The following SCHIP1 variants were observed in gnomAD, a reference collection of about 807,000 sequenced individuals.
SCHIP1 encodes schwannomin-interacting protein 1.
In SCHIP1, 8 loss-of-function variants were observed where a neutral mutation model predicts 29.7. That is an observed-to-expected ratio of 0.27 (90% CI 0.16 to 0.49). The LOEUF (loss-of-function observed/expected upper bound fraction) is 0.49, where lower values mean the gene tolerates loss of function less well. Among genes scored for constraint, SCHIP1 ranks in the 20% least tolerant of loss-of-function variants. SCHIP1 has a pLI of 0.99. For missense variants in SCHIP1, 193 were observed against 294.6 expected, an observed-to-expected ratio of 0.66 and a Z score of 2.52; for synonymous variants, 76 against 94.9, an observed-to-expected ratio of 0.80 and a Z score of 1.16.
At chr3:159,765,090 G>T in the SCHIP1 span, 22 of 1,571,688 alleles carry the variant, frequency 1.4e-5, no homozygotes, top group Non-Finnish European at 1.8e-5. Context: ...TGCAGTTCCG[G>T]GAGCAGGAGG....
chr3:159,348,884 A>G, the SCHIP1 span, among the ~76,000 whole-genome samples: 3 of 152,162 alleles, frequency 2.0e-5, no homozygotes, highest in African/African-American at 7.2e-5. Flanking sequence ...TCTTCAATAC[A>G]TATTTTACTC....
the SCHIP1 span, among the ~76,000 whole-genome samples, chr3:159,832,575 C>A: frequency 4.6e-5 from 7 of 152,314 alleles, no homozygotes; most frequent in South Asian, 1.4e-3. Context: ...TAACACACGA[C>A]TACTGAAATT....
chr3:159,884,399 G>A (rs1362084028), intron 2 of SCHIP1, among the ~76,000 whole-genome samples: 2 of 148,310 alleles, frequency 1.3e-5, no homozygotes, highest in African/African-American at 5.0e-5. Context: ...GTTTATGTAT[G>A]TATGTATATC....
the SCHIP1 span, among the ~76,000 whole-genome samples, chr3:159,373,474 A>G: frequency 7.2e-5 from 11 of 152,070 alleles, no homozygotes; most frequent in African/African-American, 2.4e-4. Context: ...TTTGACATGT[A>G]TAATACATTA....
At chr3:159,726,956 G>A in the SCHIP1 span, among the ~76,000 whole-genome samples, 1 of 152,152 alleles carries the variant, frequency 6.6e-6, no homozygotes. Flanking sequence ...ACCTGTATAA[G>A]TGGCAATTGG....
chr3:159,416,518 C>T, the SCHIP1 span, among the ~76,000 whole-genome samples: 7 of 152,184 alleles, frequency 4.6e-5, no homozygotes, highest in Non-Finnish European at 8.8e-5. Flanking sequence ...ACTAAATAAG[C>T]AGACTTTCAT....
chr3:159,872,642 T>C (rs776316990), intron 2 of SCHIP1, among the ~76,000 whole-genome samples: 10 of 152,216 alleles, frequency 6.6e-5, no homozygotes, highest in Non-Finnish European at 1.2e-4. Context: ...TGGGATGAGA[T>C]CATCTTCTGA....
the SCHIP1 span, among the ~76,000 whole-genome samples, chr3:159,607,576 G>A: frequency 1.3e-5 from 2 of 152,150 alleles, no homozygotes; most frequent in African/African-American, 2.4e-5. Flanking sequence ...CAGGGCCACA[G>A]AGAATGGCTG....
chr3:159,494,188 A>G, the SCHIP1 span, among the ~76,000 whole-genome samples: 1 of 152,074 alleles, frequency 6.6e-6, no homozygotes, highest in Non-Finnish European at 1.5e-5. Context: ...TCACAATTAA[A>G]AGAACTAGAG....
At chr3:159,450,676 A>G in the SCHIP1 span, among the ~76,000 whole-genome samples, 1 of 152,154 alleles carries the variant, frequency 6.6e-6, no homozygotes. Flanking sequence ...CTTCAAGCCA[A>G]GTGCCTTTCT....
At chr3:159,667,759 C>T in the SCHIP1 span, among the ~76,000 whole-genome samples, 1 of 152,218 alleles carries the variant, frequency 6.6e-6, no homozygotes, top group Non-Finnish European at 1.5e-5. Context: ...AATTATTTGT[C>T]CACCTTTTCA....
At chr3:159,855,404 A>AT (rs1490926237) in intron 1 of SCHIP1, among the ~76,000 whole-genome samples, 1 of 152,066 alleles carries the variant, frequency 6.6e-6, no homozygotes, top group Non-Finnish European at 1.5e-5. Flanking sequence ...TCCTTTTCTA[A>AT]TTTTTTCGCT....
chr3:159,694,537 C>CAAGAAAGAAAGAAAGA, the SCHIP1 span, among the ~76,000 whole-genome samples: 4 of 119,460 alleles, frequency 3.3e-5, no homozygotes, highest in South Asian at 3.0e-4. Context: ...AAAGAAAAGA[C>CAAGAAAGAAAGAAAGA]AAGAAAGAAA....
At chr3:159,663,459 G>A in the SCHIP1 span, among the ~76,000 whole-genome samples, 7 of 152,244 alleles carry the variant, frequency 4.6e-5, no homozygotes, top group Admixed American at 1.3e-4. Flanking sequence ...GCACCTGGAT[G>A]GGGTCTCTAG....
the SCHIP1 span, among the ~76,000 whole-genome samples, chr3:159,567,686 C>A: frequency 6.6e-6 from 1 of 152,156 alleles, no homozygotes; most frequent in East Asian, 1.9e-4. Flanking sequence ...TATAATTAGT[C>A]TTGATAGCTA....
the SCHIP1 span, among the ~76,000 whole-genome samples, chr3:159,390,140 ATTAAT>A: frequency 2.6e-5 from 4 of 152,090 alleles, no homozygotes; most frequent in East Asian, 5.8e-4. Flanking sequence ...TGACTCCCTG[ATTAAT>A]TTATGAATTT....
At chr3:159,520,096 T>TAAAA in the SCHIP1 span, among the ~76,000 whole-genome samples, 3 of 82,894 alleles carry the variant, frequency 3.6e-5, no homozygotes, top group African/African-American at 1.4e-4. Context: ...CCTCATCAAA[T>TAAAA]AAAAAAAAAA....
chr3:159,848,483 A>T (rs561973086), intron 1 of SCHIP1, among the ~76,000 whole-genome samples: 4 of 152,252 alleles, frequency 2.6e-5, no homozygotes, highest in South Asian at 2.1e-4. Context: ...TCCTGTATTC[A>T]TTTGGACCAC....
chr3:159,416,338 G>A, the SCHIP1 span, among the ~76,000 whole-genome samples: 4 of 152,062 alleles, frequency 2.6e-5, no homozygotes, highest in Admixed American at 1.3e-4. Context: ...TTTATTCACA[G>A]CATTTATCAT....
Sources: gnomAD v4.1 joint callset for allele counts (sites outside exome capture counted in the v4.1 genomes callset) on GRCh38, gnomAD v4.1.1 for gene constraint, MANE v1.5 for transcripts, NCBI Gene and HGNC (gene_info 2026-07-23, HGNC 2026-07-21) for gene names.